The following ACTR8 variants were observed in gnomAD, a reference collection of about 807,000 sequenced individuals.
ACTR8 encodes actin related protein 8, also known as actin-related protein 8.
Under a neutral mutation model 84.3 loss-of-function variants are expected in ACTR8, and 70 were observed. That is an observed-to-expected ratio of 0.83 (90% confidence interval 0.68 to 1.01). The LOEUF is 1.01. Ranked by LOEUF, ACTR8 falls within the 50% of genes least tolerant of loss-of-function variation. The pLI, the probability that ACTR8 is intolerant of heterozygous loss-of-function variation, is 0.00. For synonymous variants in ACTR8, 268 were observed against 275.2 expected, an observed-to-expected ratio of 0.97 and a Z score of 0.26; for missense variants, 672 against 775.4, an observed-to-expected ratio of 0.87 and a Z score of 1.58.
chr3:53,874,208 C>T lies in ACTR8; in HGVS notation c.1065+3G>A, dbSNP rs1288658823. On this transcript the variant is annotated splice_donor_region_variant and intron_variant, in intron 8 of 12. Coordinates refer to ENST00000335754, the MANE Select transcript of ACTR8 (RefSeq NM_022899.5). ...TAATCAGCAATATTGATTCTGCTCC[C>T]ACCTGATCTAAATGACAAAAAGTTT... 2.5e-6 allele frequency: 4 copies of T among 1,612,072 alleles called. No individual in the cohort carries two copies. The highest frequency in any genetic ancestry group is 3.4e-6 in the Non-Finnish European group (4 of 1,179,306).
chr3:53,863,811 A>G (rs1247348843), downstream of ACTR8, among the ~76,000 whole-genome samples: 1 of 135,530 alleles, frequency 7.4e-6, no homozygotes, highest in Non-Finnish European at 1.5e-5. Flanking sequence ...ACAATCACAC[A>G]CCTCAAAGTA....
intron 10 of ACTR8, 56 bp downstream of exon 10, chr3:53,872,328 C>A: frequency 1.3e-6 from 2 of 1,495,852 alleles, no homozygotes; most frequent in South Asian, 2.8e-5. Context: ...TAACTCTGGA[C>A]AAATTTCTCC....
chr3:53,869,440 T>G (rs887574515), intron 12 of ACTR8, among the ~76,000 whole-genome samples: 14 of 152,230 alleles, frequency 9.2e-5, no homozygotes, highest in African/African-American at 3.4e-4. Context: ...AATGACTTAC[T>G]TATTTCGCAG....
downstream of ACTR8, among the ~76,000 whole-genome samples, chr3:53,866,099 T>C (rs1038606632): frequency 2.6e-5 from 4 of 152,226 alleles, no homozygotes; most frequent in Admixed American, 6.5e-5. Context: ...ATGGTTTACT[T>C]AAATAAAAAA....
intron 8 of ACTR8, 64 bp downstream of exon 8, chr3:53,874,147 C>A (rs1173429412): frequency 7.2e-6 from 11 of 1,528,580 alleles, no homozygotes; most frequent in Non-Finnish European, 5.3e-6. Context: ...TTTTAAGTAT[C>A]TTTTAAATCT....
In ACTR8 at chr3:53,870,672, A is replaced by G. The variant is rs1208632572; in HGVS notation, c.1568-527T>C. Among the ~76,000 whole-genome samples the G allele has an allele frequency of 2.0e-5, 3 of 152,078 alleles. No homozygotes were observed. The highest frequency in any genetic ancestry group is 7.2e-5 in the African/African-American group (3 of 41,416). Reference sequence around the variant, plus strand: ...AAAAATAAATAAATAAAATCTTTAAAGGGACCCACAAGATCCACTACGGGT... The same window carrying G: ...AAAAATAAATAAATAAAATCTTTAAGGGGACCCACAAGATCCACTACGGGT... On this transcript the variant is annotated intron_variant, in intron 11 of 12. Coordinates refer to ENST00000335754, the MANE Select transcript of ACTR8 (RefSeq NM_022899.5). The surrounding 1 kb of genome is among the most constrained non-coding windows in gnomAD (Gnocchi z 4.1).
chr3:53,879,228 G>A (rs1375449461), intron 2 of ACTR8, among the ~76,000 whole-genome samples: 4 of 152,200 alleles, frequency 2.6e-5, no homozygotes, highest in South Asian at 4.2e-4. Context: ...AATGAAGTGC[G>A]GACTCTTATA....
intron 10 of ACTR8, among the ~76,000 whole-genome samples, chr3:53,871,808 A>C (rs1699887214): frequency 6.6e-6 from 1 of 152,204 alleles, no homozygotes; most frequent in Non-Finnish European, 1.5e-5. Flanking sequence ...TGAGTTTTTA[A>C]ATGGAGTATT....
At chr3:53,860,411 G>C in the ACTR8 span, 3 of 437,696 alleles carry the variant, frequency 6.9e-6, no homozygotes, top group Non-Finnish European at 8.1e-6. Context: ...ACACATGCCA[G>C]GTGAAAGCAG....
intron 2 of ACTR8, 139 bp from the exon 3 acceptor site, chr3:53,878,606 C>G (rs1700010899): frequency 1.6e-6 from 1 of 636,180 alleles, no homozygotes; most frequent in South Asian, 1.9e-5. Context: ...ATCACATGTA[C>G]TGCTCTTAAG....
At position 53,876,038 on chromosome 3, in the gene ACTR8, C is replaced by A. The variant is rs565705422; in HGVS notation, c.821G>T (p.Ser274Ile). The stretch of plus-strand genomic sequence containing the variant: ...TACAATACACGTGCTGCTTAAGCCA[C>A]TTCCATAGGTGGCACACACAGACTC... Reference protein sequence around the residue: ...HQESVCATYGSGLSSTCIVDV... With the variant: ...HQESVCATYGIGLSSTCIVDV... Residue 274 changes from serine to isoleucine, a missense_variant, in exon 7 of 13, where the codon AGT (serine) becomes ATT (isoleucine). Transcript: ENST00000335754. 6.2e-7 allele frequency: 1 copy of A among 1,614,074 alleles called. No homozygotes were observed. The highest frequency in any genetic ancestry group is 2.2e-5 in the East Asian group (1 of 44,868).
Position 53,867,445 on chromosome 3 carries a change from G to A in ACTR8, c.*1274C>T, listed in dbSNP as rs1278466137. 7 of 152,218 alleles carry A rather than the reference G, an allele frequency of 4.6e-5. No individual in the cohort carries two copies. Among genetic ancestry groups the A allele is most frequent in the Non-Finnish European group, 1.0e-4 (7 of 68,044 alleles). The allele number at this position is 152,218 out of a possible 1,614,324, so 9.4% of individuals were successfully genotyped here. On this transcript the variant is annotated 3_prime_UTR_variant, in exon 13 of 13. Coordinates refer to ENST00000335754, the MANE Select transcript of ACTR8 (RefSeq NM_022899.5). ...TCTAATACTGGTGGACTCTTCATTT[G>A]TAACCTACTGAGCAGTTACAGAGGG...
the ACTR8 span, chr3:53,860,042 T>C: frequency 1.1e-6 from 1 of 885,880 alleles, no homozygotes; most frequent in East Asian, 2.5e-5. Context: ...TAAATAAACC[T>C]CTATAAAGTA....
chr3:53,874,412 G>A (rs2107062038), intron 7 of ACTR8, 48 bp from the exon 8 acceptor site: 1 of 1,574,606 alleles, frequency 6.4e-7, no homozygotes, highest in Non-Finnish European at 8.6e-7. Context: ...GGTTAAGAAG[G>A]TGCAAAAGGT....
At chr3:53,878,047 A>G (rs1462988750) in intron 3 of ACTR8, among the ~76,000 whole-genome samples, 2 of 152,162 alleles carry the variant, frequency 1.3e-5, no homozygotes, top group East Asian at 1.9e-4. Flanking sequence ...GTCCATTCCT[A>G]TCATATTGGT....
chr3:53,874,384 G>A lies in ACTR8; in HGVS notation c.912-20C>T. The A allele has an allele frequency of 6.2e-7, 1 of 1,607,422 alleles. No individual in the cohort carries two copies. Among genetic ancestry groups the A allele is most frequent in the Non-Finnish European group, 8.5e-7 (1 of 1,177,188 alleles). The stretch of plus-strand genomic sequence containing the variant: ...CAAAGCCTAAAGTTAAGAGAAAAGG[G>A]TAGATGGTTAATCTGTTGGTTAAGA... On this transcript the variant is annotated intron_variant, in intron 7 of 12. Transcript: ENST00000335754.
chr3:53,871,225 T>C lies in ACTR8; in HGVS notation c.1567+7A>G, dbSNP rs751785539. The C allele has an allele frequency of 3.7e-6, 6 of 1,608,592 alleles. No individual in the cohort carries two copies. In the Admixed American group the frequency reaches 6.7e-5, roughly 18 times the overall value. ...TGCTATCTCCCGGTCTCCCCAGATG[T>C]GCTTACAACAGCAGTCTATGCTATG... On this transcript the variant is annotated splice_region_variant and intron_variant, in intron 11 of 12. Transcript: ENST00000335754.
chr3:53,866,330 A>G (rs1699776792), downstream of ACTR8, among the ~76,000 whole-genome samples: 1 of 151,774 alleles, frequency 6.6e-6, no homozygotes, highest in Admixed American at 6.6e-5. Flanking sequence ...GGTGCAGTAA[A>G]CGGTGATTGT....
chr3:53,863,005 C>T (rs1259570747), downstream of ACTR8, among the ~76,000 whole-genome samples: 1 of 152,146 alleles, frequency 6.6e-6, no homozygotes, highest in African/African-American at 2.4e-5. Context: ...TCAGCCTACT[C>T]AACAAGATGA....
Sources: gnomAD v4.1 joint callset for allele counts (sites outside exome capture counted in the v4.1 genomes callset) on GRCh38, gnomAD v4.1.1 for gene constraint, Gnocchi (gnomAD v3.1) non-coding constraint, MANE v1.5 for transcripts, NCBI Gene and HGNC (gene_info 2026-07-23, HGNC 2026-07-21) for gene names.